The following RASGEF1A variants were observed in gnomAD, a reference collection of about 807,000 sequenced individuals.
RASGEF1A encodes ras-GEF domain-containing family member 1A.
In RASGEF1A, 18 loss-of-function variants were observed where a neutral mutation model predicts 56.4. That is an observed-to-expected ratio of 0.32 (90% CI 0.22 to 0.47). The LOEUF (loss-of-function observed/expected upper bound fraction) is 0.47, where lower values mean the gene tolerates loss of function less well. Ranked by LOEUF, RASGEF1A falls within the 20% of genes least tolerant of loss-of-function variation. The pLI is 1.00. For missense variants in RASGEF1A, 422 were observed against 627.1 expected (o/e 0.67, Z 3.49); for synonymous variants, 245 against 242.6 (o/e 1.01, Z -0.09).
chr10:43,248,396 G>A (rs1840590656), intron 1 of RASGEF1A, among the ~76,000 whole-genome samples: 1 of 150,544 alleles, frequency 6.6e-6, no homozygotes, highest in Non-Finnish European at 1.5e-5. Context: ...AAGAGGTTCT[G>A]GAATTAGAGA....
At position 43,222,825 on chromosome 10, in the gene RASGEF1A, C is replaced by T. The variant is rs74588367; in HGVS notation, c.-6-16703G>A. ...GAGACTTGCAAATGGCATCTGAAGT[C>T]GAGGGAGGGGGACAGCCTTGTGGGA... On this transcript the variant is annotated intron_variant, in intron 1 of 12. Coordinates refer to ENST00000395810, the MANE Select transcript of RASGEF1A (RefSeq NM_145313.4). 8.3e-3 allele frequency among the ~76,000 whole-genome samples: 1,268 copies of T among 152,232 alleles called. 50 individuals are homozygous for T. The East Asian group carries it at 0.095, about 11-fold the overall frequency.
chr10:43,229,740 C>G lies in RASGEF1A; in HGVS notation c.-6-23618G>C, dbSNP rs1447749766. 5.2e-6 allele frequency: 7 copies of G among 1,334,282 alleles called. No homozygotes were observed. In the East Asian group the frequency reaches 1.6e-4, roughly 30 times the overall value. The allele number at this position is 1,334,282 out of a possible 1,614,324, so 82.7% of individuals were successfully genotyped here. On this transcript the variant is annotated intron_variant, in intron 1 of 12. Transcript: ENST00000395810. ...TCTGCCCGCGAGCCAAGCAAGCACCCACTCCTGCGCCGGCCCCTGCCGCTG... is the reference window on the plus strand; with the variant it reads ...TCTGCCCGCGAGCCAAGCAAGCACCGACTCCTGCGCCGGCCCCTGCCGCTG...
chr10:43,248,562 A>G (rs1840592555), intron 1 of RASGEF1A, among the ~76,000 whole-genome samples: 1 of 152,188 alleles, frequency 6.6e-6, no homozygotes, highest in African/African-American at 2.4e-5. Context: ...TGACCCTCAC[A>G]GGCACCACAA....
rs145841594 is a variant in RASGEF1A, at chr10:43,199,048, G to C, written c.953-36C>G. ...CAGCAGGTAGGGTCAGGGCCGGGGG[G>C]GTGGGCCATGCAGCAGCCCCACCCT... is the stretch of plus-strand genomic sequence containing the variant. On this transcript the variant is annotated intron_variant, in intron 8 of 12. Coordinates refer to ENST00000395810, the MANE Select transcript of RASGEF1A (RefSeq NM_145313.4). The C allele has an allele frequency of 5.9e-4, 948 of 1,602,068 alleles. 4 individuals carry two copies. In the African/African-American group the frequency reaches 7.7e-3, roughly 13 times the overall value.
intron 1 of RASGEF1A, among the ~76,000 whole-genome samples, chr10:43,241,782 G>A (rs1271572100): frequency 6.6e-6 from 1 of 151,922 alleles, no homozygotes; most frequent in African/African-American, 2.4e-5. Context: ...AAAAAAACAT[G>A]ATCCAACTAC....
chr10:43,200,418 C>T lies in RASGEF1A; in HGVS notation c.682-162G>A, dbSNP rs117675731. On this transcript the variant is annotated intron_variant, in intron 5 of 12. Transcript: ENST00000395810. ...CCTAGGGCCACTGCAGTCCCCACTGCAGGACGACACTGCTCCAGCTCCTCC... is the reference window on the plus strand; with the variant it reads ...CCTAGGGCCACTGCAGTCCCCACTGTAGGACGACACTGCTCCAGCTCCTCC... Among the ~76,000 whole-genome samples the T allele has an allele frequency of 8.1e-3, 1,231 of 152,372 alleles. 11 individuals are homozygous for T. Among genetic ancestry groups the T allele is most frequent in the Admixed American group, 0.013 (200 of 15,312 alleles).
chr10:43,202,084 C>G, intron 3 of RASGEF1A, 139 bp from the exon 4 acceptor site: 1 of 884,340 alleles, frequency 1.1e-6, no homozygotes, highest in East Asian at 2.9e-5. Flanking sequence ...GTGCCACCTG[C>G]GGTTTGGCCA....
intron 1 of RASGEF1A, among the ~76,000 whole-genome samples, chr10:43,253,562 G>A (rs1363449422): frequency 2.0e-5 from 3 of 152,240 alleles, no homozygotes; most frequent in Non-Finnish European, 2.9e-5. Context: ...GACAAGACAG[G>A]GTCAGGGAGA....
chr10:43,199,509 G>A (rs1002558964), intron 7 of RASGEF1A, among the ~76,000 whole-genome samples, 167 bp downstream of exon 7: 3 of 152,222 alleles, frequency 2.0e-5, no homozygotes, highest in African/African-American at 7.2e-5. Context: ...TGTCATTGAA[G>A]GAATCGCTGT....
In RASGEF1A at chr10:43,205,991, A is replaced by C. The variant is rs774912639; in HGVS notation, c.126T>G (p.Asp42Glu). 1 of 1,613,120 alleles carries C rather than the reference A, an allele frequency of 6.2e-7. No individual in the cohort carries two copies. The highest frequency in any genetic ancestry group is 8.5e-7 in the Non-Finnish European group (1 of 1,179,948). ...GGGSGDLIFQ[D>E]GHLISGSLEA... is the part of the protein sequence containing the mutation. ...CCAGGGACCCAGAGATGAGGTGTCC[A>C]TCTTGGAAGATGAGGTCCCCGGAGC... The change falls in exon 2 of 13, where the codon GAT (aspartate) becomes GAG (glutamate). Residue 42 changes from aspartate (D) to glutamate (E), a missense_variant. Transcript: ENST00000395810.
chr10:43,231,583 C>G (rs1477745489), intron 1 of RASGEF1A, among the ~76,000 whole-genome samples: 1 of 152,374 alleles, frequency 6.6e-6, no homozygotes, highest in Admixed American at 6.5e-5. Flanking sequence ...CAGATTGCAC[C>G]AGTGTCACCC....
intron 1 of RASGEF1A, among the ~76,000 whole-genome samples, chr10:43,243,189 G>A (rs370143070): frequency 2.9e-4 from 39 of 135,356 alleles, no homozygotes; most frequent in East Asian, 4.8e-4. Flanking sequence ...GGCCGCCCCC[G>A]TCTGGGAAGT....
chr10:43,251,902 G>A (rs1011124603), intron 1 of RASGEF1A, among the ~76,000 whole-genome samples: 8 of 152,208 alleles, frequency 5.3e-5, no homozygotes, highest in Non-Finnish European at 4.4e-5. Flanking sequence ...GAAGGGACAG[G>A]TGAAGGTGCT....
intron 1 of RASGEF1A, among the ~76,000 whole-genome samples, chr10:43,212,692 C>T (rs1302191878): frequency 6.6e-6 from 1 of 152,248 alleles, no homozygotes; most frequent in Non-Finnish European, 1.5e-5. Context: ...GCTCCTGGGG[C>T]TCTGCTCAGC....
chr10:43,216,795 C>T (rs968908292), intron 1 of RASGEF1A, among the ~76,000 whole-genome samples: 2 of 152,126 alleles, frequency 1.3e-5, no homozygotes, highest in Admixed American at 6.5e-5. Context: ...GGATAAGAAC[C>T]TGCATGGGGT....
At chr10:43,200,555 C>A (rs111950946) in intron 5 of RASGEF1A, 112 bp downstream of exon 5, 2 of 974,104 alleles carry the variant, frequency 2.1e-6, no homozygotes, top group Non-Finnish European at 3.0e-6. Flanking sequence ...GGCTGGCAAG[C>A]GCACTTCCCT....
intron 1 of RASGEF1A, among the ~76,000 whole-genome samples, chr10:43,226,354 T>C (rs1020929833): frequency 1.3e-5 from 2 of 152,080 alleles, no homozygotes; most frequent in Non-Finnish European, 2.9e-5. Flanking sequence ...GGCAGGAGAA[T>C]TGCTTGAACC....
chr10:43,197,232 C>T, intron 10 of RASGEF1A, 133 bp from the exon 11 acceptor site: 1 of 1,064,392 alleles, frequency 9.4e-7, no homozygotes, highest in Non-Finnish European at 1.4e-6. Flanking sequence ...GACAGTGGCC[C>T]TGCACGCTGA....
At chr10:43,203,239 C>T in intron 3 of RASGEF1A, 59 bp downstream of exon 3, 1 of 1,502,842 alleles carries the variant, frequency 6.7e-7, no homozygotes, top group Non-Finnish European at 9.0e-7. Flanking sequence ...CAGCCCCTAG[C>T]CTTGACCTCG....
Sources: gnomAD v4.1 joint callset for allele counts (sites outside exome capture counted in the v4.1 genomes callset) on GRCh38, gnomAD v4.1.1 for gene constraint, MANE v1.5 for transcripts, NCBI Gene and HGNC (gene_info 2026-07-23, HGNC 2026-07-21) for gene names.